ARHGAP39: variants seen among roughly 807,000 people sequenced by gnomAD.
ARHGAP39 encodes rho GTPase-activating protein 39.
ARHGAP39 carries 44 observed loss-of-function variants against 106.9 expected under a neutral mutation model. That is an observed-to-expected ratio of 0.41 (90% confidence interval 0.32 to 0.53). The LOEUF (loss-of-function observed/expected upper bound fraction) is 0.53, where lower values mean the gene tolerates loss of function less well. Ranked by LOEUF, ARHGAP39 falls within the 20% of genes least tolerant of loss-of-function variation. The probability of loss-of-function intolerance (pLI) is 0.21; values close to 1 mark genes in which losing one functional copy is unlikely to be tolerated. For synonymous variants in ARHGAP39, 768 were observed against 693.2 expected, an observed-to-expected ratio of 1.11 and a Z score of -1.69; for missense variants, 1,496 against 1,577.3, an observed-to-expected ratio of 0.95 and a Z score of 0.87.
intron 9 of ARHGAP39, 136 bp downstream of exon 9, chr8:144,532,989 AC>A: frequency 9.2e-7 from 1 of 1,086,180 alleles, no homozygotes. Context: ...CTGTGGCCCC[AC>A]CCTTCCATCT....
At chr8:144,624,617 G>T (rs79699918) in intron 1 of ARHGAP39, among the ~76,000 whole-genome samples, 1 of 53,760 alleles carries the variant, frequency 1.9e-5, no homozygotes, top group African/African-American at 6.7e-5. Flanking sequence ...CCGGCGGCCC[G>T]GTTCACGGAG....
chr8:144,693,745 A>G, the ARHGAP39 span, among the ~76,000 whole-genome samples: 4 of 152,228 alleles, frequency 2.6e-5, no homozygotes, highest in Non-Finnish European at 4.4e-5. Context: ...TAGTTATTAA[A>G]CAAATACTGA....
chr8:144,692,845 T>C, the ARHGAP39 span, among the ~76,000 whole-genome samples: 29 of 142,716 alleles, frequency 2.0e-4, no homozygotes, highest in South Asian at 1.2e-3. Context: ...CCACATCCTC[T>C]GCCTCCCAGG....
rs543998740 is a variant in ARHGAP39 at position 144,596,543 on chromosome 8, G to A, written c.80+8992C>T. On this transcript the variant is annotated intron_variant, in intron 2 of 11. Transcript: ENST00000377307. ...GCCTAGCATTGAAGGACATTCACTC[G>A]TGGGGTGAATCCAGACTGGCCATGA... Among the ~76,000 whole-genome samples the A allele has an allele frequency of 7.2e-5, 11 of 152,332 alleles. No individual in the cohort carries two copies. The East Asian group carries it at 1.7e-3, about 24-fold the overall frequency.
intron 3 of ARHGAP39, among the ~76,000 whole-genome samples, chr8:144,565,259 C>T (rs114892649): frequency 0.034 from 5,153 of 152,098 alleles, 280 homozygotes; most frequent in African/African-American, 0.12. Context: ...GCCTGGGCAA[C>T]GGCAAGGCCT....
intron 1 of ARHGAP39, among the ~76,000 whole-genome samples, chr8:144,622,502 G>C (rs1234007228): frequency 6.6e-6 from 1 of 151,998 alleles, no homozygotes; most frequent in Non-Finnish European, 1.5e-5. Flanking sequence ...GCTGTGCCCG[G>C]AGCCGCCCTC....
At chr8:144,606,065 TGCTC>T (rs1820280890) in intron 1 of ARHGAP39, among the ~76,000 whole-genome samples, 2 of 152,196 alleles carry the variant, frequency 1.3e-5, no homozygotes, top group Non-Finnish European at 2.9e-5. Flanking sequence ...ACACAGGACC[TGCTC>T]CGCCCTCACT....
chr8:144,676,653 G>A (rs547022785), intron 1 of ARHGAP39, among the ~76,000 whole-genome samples: 2 of 152,368 alleles, frequency 1.3e-5, no homozygotes, highest in Admixed American at 6.5e-5. Flanking sequence ...GGGACTTCAC[G>A]GCACCTAGCC....
At position 144,604,859 on chromosome 8, in the gene ARHGAP39, A is replaced by G. The variant is rs578200818; in HGVS notation, c.80+676T>C. Among the ~76,000 whole-genome samples, 1 of 152,354 alleles carries G rather than the reference A, an allele frequency of 6.6e-6. No individual in the cohort carries two copies. Among genetic ancestry groups the G allele is most frequent in the African/African-American group, 2.4e-5 (1 of 41,584 alleles). The stretch of plus-strand genomic sequence containing the variant: ...CCACCCCCAAAAGCATTCAGAGGCG[A>G]CGGGAGCAATGCTAGCCACAGGGTC... On this transcript the variant is annotated intron_variant, in intron 2 of 11. Transcript: ENST00000377307. This position sits in a 1 kb window ranked among gnomAD's most constrained non-coding sequence, Gnocchi z 4.1.
chr8:144,552,523 A>G (rs548928422), intron 4 of ARHGAP39, among the ~76,000 whole-genome samples: 5 of 152,330 alleles, frequency 3.3e-5, no homozygotes, highest in Non-Finnish European at 7.4e-5. Context: ...TTGAAAAACA[A>G]CTTCACTCTC....
intron 1 of ARHGAP39, among the ~76,000 whole-genome samples, chr8:144,685,320 T>C (rs887404390): frequency 2.7e-5 from 4 of 148,036 alleles, no homozygotes; most frequent in African/African-American, 1.0e-4. Flanking sequence ...CACACCCACC[T>C]AGGGCAGGGA....
At chr8:144,537,530 CA>C (rs1431178138) in intron 7 of ARHGAP39, among the ~76,000 whole-genome samples, 190 bp downstream of exon 7, 1 of 152,144 alleles carries the variant, frequency 6.6e-6, no homozygotes, top group Non-Finnish European at 1.5e-5. Flanking sequence ...CACGTGTGGA[CA>C]GGCTTGACCG....
chr8:144,660,456 T>C (rs958955017), intron 1 of ARHGAP39, among the ~76,000 whole-genome samples: 2 of 152,198 alleles, frequency 1.3e-5, no homozygotes, highest in Non-Finnish European at 2.9e-5. Flanking sequence ...AATCCTTGCA[T>C]GAGCACATTC....
chr8:144,673,007 A>T (rs1822138110), intron 1 of ARHGAP39, among the ~76,000 whole-genome samples: 1 of 152,186 alleles, frequency 6.6e-6, no homozygotes. Flanking sequence ...ACTTGAGCCC[A>T]AGAGTTCAAA....
chr8:144,605,456 A>G lies in ARHGAP39; in HGVS notation c.80+79T>C, dbSNP rs1425163245. 2.7e-6 allele frequency: 4 copies of G among 1,457,114 alleles called. No homozygotes were observed. The African/African-American group carries it at 4.2e-5, about 15-fold the overall frequency. The allele number at this position is 1,457,114 out of a possible 1,614,324, so 90.3% of individuals were successfully genotyped here. A position where few individuals can be genotyped will look rare whatever the true frequency, so the allele number is the denominator to read the frequency against. On this transcript the variant is annotated intron_variant, in intron 2 of 11. Transcript: ENST00000377307. Reference sequence around the variant, plus strand: ...TCTCCACGGAGAATCCTGCATGCACACTGCTTTCTCTGCAGGAAGAAAGCA... The same window carrying G: ...TCTCCACGGAGAATCCTGCATGCACGCTGCTTTCTCTGCAGGAAGAAAGCA...
chr8:144,685,101 C>G (rs951705918), intron 1 of ARHGAP39, among the ~76,000 whole-genome samples: 8 of 151,912 alleles, frequency 5.3e-5, no homozygotes, highest in Non-Finnish European at 1.2e-4. Flanking sequence ...TCCCCTCACA[C>G]CCCCCTCGGG....
At position 144,532,242 on chromosome 8, in the gene ARHGAP39, G is replaced by A. The variant is rs111775706; in HGVS notation, c.2980+63C>T. On this transcript the variant is annotated intron_variant, in intron 10 of 11. Transcript: ENST00000377307. ...GGGTGGACCCCAGAGGCGGAGACAG[G>A]GGCCCCTGAGAACCACTGCCTGAGC... The A allele has an allele frequency of 2.9e-4, 429 of 1,497,604 alleles. 2 individuals are homozygous for A. Among genetic ancestry groups the A allele is most frequent in the Middle Eastern group, 7.6e-4 (4 of 5,238 alleles). The allele number at this position is 1,497,604 out of a possible 1,614,324, so 92.8% of individuals were successfully genotyped here. A position where few individuals can be genotyped will look rare whatever the true frequency, so the allele number is the denominator to read the frequency against.
At chr8:144,583,260 C>T (rs1424983048) in intron 2 of ARHGAP39, among the ~76,000 whole-genome samples, 2 of 152,188 alleles carry the variant, frequency 1.3e-5, no homozygotes, top group East Asian at 3.8e-4. Flanking sequence ...TGATCATGTT[C>T]TCTTCCTTTT....
intron 5 of ARHGAP39, among the ~76,000 whole-genome samples, chr8:144,546,670 C>T (rs1027872792): frequency 1.3e-5 from 2 of 152,188 alleles, no homozygotes; most frequent in African/African-American, 4.8e-5. Flanking sequence ...TCCCGGAATT[C>T]CTGCGGCCTC....
Sources: allele counts gnomAD v4.1 joint callset (sites outside exome capture counted in the v4.1 genomes callset), GRCh38; gene constraint gnomAD v4.1.1; non-coding constraint Gnocchi (gnomAD v3.1); transcripts MANE v1.5; gene names NCBI Gene and HGNC (gene_info 2026-07-23, HGNC 2026-07-21).